WFS1: variants seen among roughly 807,000 people sequenced by gnomAD.
WFS1 encodes wolframin.
Under a neutral mutation model 68.5 loss-of-function variants are expected in WFS1, and 90 were observed. The observed-to-expected ratio is 1.31, with a 90% CI of 1.11 to 1.56. The LOEUF is 1.56. Ranked by LOEUF, WFS1 falls within the 40% of genes most tolerant of loss-of-function variation. WFS1 has a pLI of 0.00. For missense variants in WFS1, 1,767 were observed against 1,232.6 expected (o/e 1.43, Z -6.49); for synonymous variants, 860 against 540.7 (o/e 1.59, Z -8.19).
chr4:6,300,575 C>T, intron 7 of WFS1, 82 bp from the exon 8 acceptor site: 4 of 1,594,612 alleles, frequency 2.5e-6, no homozygotes, highest in South Asian at 1.1e-5. Flanking sequence ...TGCCCAGAGG[C>T]AGGGTGGTCA....
In WFS1 at chr4:6,301,663, T is replaced by C. The variant is rs758746685; in HGVS notation, c.1868T>C (p.Met623Thr). 1.2e-6 allele frequency: 2 copies of C among 1,614,032 alleles called. No homozygotes were observed. Among genetic ancestry groups the C allele is most frequent in the Admixed American group, 1.7e-5 (1 of 60,024 alleles). Residue 623 changes from methionine to threonine, a missense_variant, in exon 8 of 8, where the codon ATG becomes ACG. Physicochemically the swap from Met to Thr is moderately conservative, Grantham distance 81. Transcript: ENST00000226760. ...AAGGCCAGCTTCTCTGTGGTGGGGA[T>C]GGTGAAGTCCCTGACGCGGAGCTCC... ...WTKASFSVVG[M>T]VKSLTRSSMV...
At chr4:6,288,258 A>G (rs1383611063) in intron 3 of WFS1, among the ~76,000 whole-genome samples, 3 of 150,974 alleles carry the variant, frequency 2.0e-5, no homozygotes, top group African/African-American at 7.3e-5. Flanking sequence ...CCTCACAGCC[A>G]TATTGTACTT....
rs750806151 is a variant in WFS1, at chr4:6,277,580, G to T, written c.125G>T (p.Arg42Leu). 3 of 1,583,248 alleles carry T rather than the reference G, an allele frequency of 1.9e-6. No homozygotes were observed. In the East Asian group the frequency reaches 6.9e-5, roughly 36 times the overall value. Residue 42 changes from arginine to leucine, a missense_variant, in exon 2 of 8, where the codon CGA (arginine) becomes CTA (leucine). Transcript: ENST00000226760. Reference sequence around the variant, plus strand: ...GAGCAGGAGAGGAGCGAAAGGCCCCGAGCACCCGGACCCCAGGCTGGCCCT... The same window carrying T: ...GAGCAGGAGAGGAGCGAAAGGCCCCTAGCACCCGGACCCCAGGCTGGCCCT... ...SLEQERSERP[R>L]APGPQAGPGP...
intron 6 of WFS1, 61 bp from the exon 7 acceptor site, chr4:6,294,980 T>G (rs1016671432): frequency 1.9e-6 from 3 of 1,610,750 alleles, no homozygotes; most frequent in Non-Finnish European, 2.5e-6. Context: ...CATTGCTCTG[T>G]GTGAGGGTGG....
intron 2 of WFS1, among the ~76,000 whole-genome samples, chr4:6,278,519 C>T (rs1730062108): frequency 6.6e-6 from 1 of 152,236 alleles, no homozygotes; most frequent in Admixed American, 6.5e-5. Context: ...CATGTGCCTG[C>T]AGGACTCCTC....
At chr4:6,294,614 G>C (rs182184668) in intron 6 of WFS1, among the ~76,000 whole-genome samples, 24 of 152,276 alleles carry the variant, frequency 1.6e-4, no homozygotes, top group Non-Finnish European at 7.4e-5. Flanking sequence ...GGTTGGCAGG[G>C]TACTGCCCTA....
chr4:6,289,476 T>G (rs940779827), intron 4 of WFS1, among the ~76,000 whole-genome samples: 2 of 152,246 alleles, frequency 1.3e-5, no homozygotes, highest in East Asian at 3.9e-4. Flanking sequence ...GACTGTAATG[T>G]GGCCTGCAGT....
intron 4 of WFS1, 101 bp downstream of exon 4, chr4:6,289,232 T>A (rs1482675826): frequency 1.2e-5 from 17 of 1,433,934 alleles, no homozygotes; most frequent in Non-Finnish European, 1.6e-5. Flanking sequence ...CTAACGCTGG[T>A]GATGCTGTTG....
At position 6,302,331 on chromosome 4, in the gene WFS1, A is replaced by G. The variant is rs572147782; in HGVS notation, c.2536A>G (p.Ser846Gly). 7 of 1,612,486 alleles carry G rather than the reference A, an allele frequency of 4.3e-6. No homozygotes were observed. In the East Asian group the frequency reaches 1.1e-4, roughly 26 times the overall value. ...KWPVFELKAI[S>G]CLNCMAQLSP... ...GCCTGTCTTCGAGCTCAAGGCCATCAGCTGCCTCAACTGCATGGCCCAGCT... is the reference window on the plus strand; with the variant it reads ...GCCTGTCTTCGAGCTCAAGGCCATCGGCTGCCTCAACTGCATGGCCCAGCT... The change falls in exon 8 of 8, where the codon AGC (serine) becomes GGC (glycine). Residue 846 changes from serine (S) to glycine (G), a missense_variant. Ser to Gly is a moderately conservative substitution (Grantham distance 56, BLOSUM62 0). Transcript: ENST00000226760.
rs1730455677 is a variant in WFS1 at position 6,291,282 on chromosome 4, C to T, written c.546C>T (p.Val182=). ...LERAVRKAAL[V]MYWKLNPKKK... ...GGGCCGTGCGCAAGGCAGCCCTGGT[C>T]ATGTACTGGAAGCTCAACCCCAAGA... The change falls in exon 5 of 8, where the codon GTC becomes GTT. Residue 182 remains valine (V), a synonymous_variant. Transcript: ENST00000226760. 6.2e-7 allele frequency: 1 copy of T among 1,613,302 alleles called. No homozygotes were observed. Among genetic ancestry groups the T allele is most frequent in the African/African-American group, 1.3e-5 (1 of 74,844 alleles).
At chr4:6,270,771 T>C (rs748269801) in intron 1 of WFS1, among the ~76,000 whole-genome samples, 7 of 152,218 alleles carry the variant, frequency 4.6e-5, no homozygotes, top group African/African-American at 7.2e-5. Flanking sequence ...ATGTTATGAA[T>C]TCCAAGGAAG....
At chr4:6,281,018 C>T (rs550690331) in intron 2 of WFS1, among the ~76,000 whole-genome samples, 59 of 152,330 alleles carry the variant, frequency 3.9e-4, no homozygotes, top group Non-Finnish European at 7.1e-4. Context: ...CTGGGGCAGT[C>T]ATATGCCCTT....
rs1730388007 is a variant in WFS1, at chr4:6,288,993, A to G, written c.322A>G (p.Lys108Glu). The change falls in exon 4 of 8, where the codon AAG (lysine) becomes GAG (glutamate). Residue 108 changes from lysine (K) to glutamate (E), a missense_variant. By Grantham distance (56) the Lys-to-Glu change is moderately conservative. Transcript: ENST00000226760. ...ACTGGTGTCTGGCTTGCAGGTGGGG[A>G]AGCACTACCTGCAGTTGGCCGGCGA... is the stretch of plus-strand genomic sequence containing the variant. The part of the protein sequence containing the change: ...GDPKAQTEVG[K>E]HYLQLAGDTD... 1 of 1,608,624 alleles carries G rather than the reference A, an allele frequency of 6.2e-7. No individual in the cohort carries two copies. The highest frequency in any genetic ancestry group is 1.7e-5 in the Admixed American group (1 of 59,438).
intron 1 of WFS1, 22 bp from the exon 2 acceptor site, chr4:6,277,429 C>T: frequency 6.5e-7 from 1 of 1,549,218 alleles, no homozygotes; most frequent in Non-Finnish European, 8.7e-7. Flanking sequence ...CTGGATGTGC[C>T]TGACCTTGAC....
intron 7 of WFS1, among the ~76,000 whole-genome samples, chr4:6,295,811 C>T (rs974621335): frequency 1.3e-5 from 2 of 152,230 alleles, no homozygotes; most frequent in African/African-American, 4.8e-5. Flanking sequence ...TACTCCTGGC[C>T]TGACAGCTTG....
Position 6,277,589 on chromosome 4 carries a change from G to A in WFS1, c.134G>A (p.Gly45Glu). Residue 45 changes from glycine to glutamate, a missense_variant, in exon 2 of 8, where the codon GGA (glycine) becomes GAA (glutamate). Physicochemically the swap from Gly to Glu is moderately conservative, Grantham distance 98. Transcript: ENST00000226760. ...AGGAGCGAAAGGCCCCGAGCACCCGGACCCCAGGCTGGCCCTGGCCCTGGT... is the reference window on the plus strand; with the variant it reads ...AGGAGCGAAAGGCCCCGAGCACCCGAACCCCAGGCTGGCCCTGGCCCTGGT... ...QERSERPRAP[G>E]PQAGPGPGVR... The A allele has an allele frequency of 6.3e-7, 1 of 1,581,332 alleles. No homozygotes were observed. Among genetic ancestry groups the A allele is most frequent in the Non-Finnish European group, 8.6e-7 (1 of 1,163,956 alleles).
In WFS1 at chr4:6,291,322, G is replaced by A; in HGVS notation, c.586G>A (p.Ala196Thr). Residue 196 changes from alanine (A) to threonine (T), a missense_variant, in exon 5 of 8, where the codon GCC becomes ACC. Coordinates refer to ENST00000226760, the MANE Select transcript of WFS1 (RefSeq NM_006005.3). ...KLNPKKKKQV[A>T]VAELLENVGQ... ...CAACCCCAAGAAGAAGAAGCAGGTG[G>A]CCGTGGCGGAGCTGCTGGAGAATGT... 1 of 1,613,458 alleles carries A rather than the reference G, an allele frequency of 6.2e-7. No individual in the cohort carries two copies. Among genetic ancestry groups the A allele is most frequent in the Non-Finnish European group, 8.5e-7 (1 of 1,180,032 alleles).
At chr4:6,299,868 GGGGTGGGCTGCA>G (rs1474322772) in intron 7 of WFS1, among the ~76,000 whole-genome samples, 2 of 127,210 alleles carry the variant, frequency 1.6e-5, no homozygotes, top group African/African-American at 6.4e-5. Context: ...CGTGTGTGTA[GGGGTGGGCTGCA>G]TGTGTGTGTG....
Position 6,300,909 on chromosome 4 carries a change from G to C in WFS1, c.1114G>C (p.Glu372Gln), listed in dbSNP as rs1478495435. Residue 372 changes from glutamate (E) to glutamine (Q), a missense_variant, in exon 8 of 8, where the codon GAG becomes CAG. Transcript: ENST00000226760. ...GGTGTTCCAGGACAGCAAGGCCTGGGAGAACTTCCGCACCCTCACCGACCT... is the reference window on the plus strand; with the variant it reads ...GGTGTTCCAGGACAGCAAGGCCTGGCAGAACTTCCGCACCCTCACCGACCT... ...LKVFQDSKAW[E>Q]NFRTLTDLLL... 1.2e-6 allele frequency: 2 copies of C among 1,614,180 alleles called. No individual in the cohort carries two copies. Among genetic ancestry groups the C allele is most frequent in the Non-Finnish European group, 1.7e-6 (2 of 1,180,028 alleles).
Sources: allele counts gnomAD v4.1 joint callset (sites outside exome capture counted in the v4.1 genomes callset), GRCh38; gene constraint gnomAD v4.1.1; transcripts MANE v1.5; gene names NCBI Gene and HGNC (gene_info 2026-07-23, HGNC 2026-07-21).